Variants in RNF19B observed in about 807,000 individuals in gnomAD.
RNF19B encodes E3 ubiquitin-protein ligase RNF19B.
RNF19B carries 23 observed loss-of-function variants against 65.5 expected under a neutral mutation model. The ratio of observed to expected loss-of-function variants is 0.35; its 90% CI spans 0.25 to 0.50. RNF19B has a LOEUF of 0.50. Among genes scored for constraint, RNF19B ranks in the 20% least tolerant of loss-of-function variants. The pLI is 0.98. For missense variants in RNF19B, 794 were observed against 980.0 expected, an observed-to-expected ratio of 0.81 and a Z score of 2.53; for synonymous variants, 372 against 379.6, an observed-to-expected ratio of 0.98 and a Z score of 0.23.
In RNF19B at chr1:32,955,559, A is replaced by G. The variant is rs1173772352; in HGVS notation, c.636-5785T>C. On this transcript the variant is annotated intron_variant, in intron 1 of 8. Coordinates refer to ENST00000235150, the MANE Select transcript of RNF19B (RefSeq NM_001300826.2). ...AGTCTGGGCAACATGGCAAAACCCC[A>G]TCTCTACAAAAAAAAAAAATACAAA... Among the ~76,000 whole-genome samples the G allele has an allele frequency of 3.4e-5, 5 of 149,138 alleles. 1 individual carries two copies. Among genetic ancestry groups the G allele is most frequent in the Non-Finnish European group, 7.5e-5 (5 of 66,300 alleles).
At chr1:32,930,983 G>A in the RNF19B span, among the ~76,000 whole-genome samples, 1 of 152,076 alleles carries the variant, frequency 6.6e-6, no homozygotes, top group African/African-American at 2.4e-5. Flanking sequence ...AGCTACTTGG[G>A]AGGCTGAGGT....
At chr1:32,937,440 G>A in intron 8 of RNF19B, 181 bp from the exon 9 acceptor site, 1 of 972,246 alleles carries the variant, frequency 1.0e-6, no homozygotes, top group Non-Finnish European at 1.5e-6. Context: ...GGCTGGACGT[G>A]GTGGCTCATG....
chr1:32,954,214 CTTT>C (rs1206250393), intron 1 of RNF19B, among the ~76,000 whole-genome samples: 1 of 144,616 alleles, frequency 6.9e-6, no homozygotes, highest in Admixed American at 7.0e-5. Flanking sequence ...GCCCAGCCCA[CTTT>C]TTTTTTTTTC....
intron 1 of RNF19B, among the ~76,000 whole-genome samples, chr1:32,959,573 C>A (rs566475201): frequency 6.6e-6 from 1 of 152,188 alleles, no homozygotes; most frequent in Non-Finnish European, 1.5e-5. Flanking sequence ...ATAAAATGCA[C>A]GCCAATATCC....
downstream of RNF19B, among the ~76,000 whole-genome samples, chr1:32,931,670 G>A (rs1196248286): frequency 1.3e-5 from 2 of 152,204 alleles, no homozygotes; most frequent in African/African-American, 2.4e-5. Flanking sequence ...TGAGCCTTGC[G>A]GCTACAAAAG....
the RNF19B span, among the ~76,000 whole-genome samples, chr1:32,929,409 G>A: frequency 3.9e-5 from 6 of 152,182 alleles, no homozygotes; most frequent in African/African-American, 1.2e-4. Context: ...TTCAACATAT[G>A]ATTTTTGGTG....
the RNF19B span, among the ~76,000 whole-genome samples, chr1:32,929,360 C>A: frequency 6.6e-6 from 1 of 152,136 alleles, no homozygotes; most frequent in Non-Finnish European, 1.5e-5. Flanking sequence ...ACCTCATTTT[C>A]CAAATAAGGG....
At chr1:32,945,872 CTTCTT>C (rs1227435709) in intron 4 of RNF19B, among the ~76,000 whole-genome samples, 6 of 148,510 alleles carry the variant, frequency 4.0e-5, no homozygotes, top group East Asian at 2.0e-4. Context: ...ATTTTACCTT[CTTCTT>C]TTATTTTTTT....
chr1:32,929,884 T>C, the RNF19B span, among the ~76,000 whole-genome samples: 1 of 152,170 alleles, frequency 6.6e-6, no homozygotes, highest in Non-Finnish European at 1.5e-5. Flanking sequence ...CCATCATCTC[T>C]ACTGATATCA....
At chr1:32,943,508 C>A (rs535853382) in intron 6 of RNF19B, among the ~76,000 whole-genome samples, 1 of 151,612 alleles carries the variant, frequency 6.6e-6, no homozygotes, top group South Asian at 2.1e-4. Flanking sequence ...CCCAGCTACT[C>A]AGGAGGCTGA....
At chr1:32,942,567 C>A in intron 6 of RNF19B, 108 bp from the exon 7 acceptor site, 1 of 874,218 alleles carries the variant, frequency 1.1e-6, no homozygotes, top group South Asian at 1.7e-5. Context: ...ACTTAATGAA[C>A]AGGTACTGTG....
the RNF19B span, among the ~76,000 whole-genome samples, chr1:32,930,430 G>A: frequency 6.6e-6 from 1 of 150,880 alleles, no homozygotes; most frequent in Non-Finnish European, 1.5e-5. Context: ...TTTTGAGATG[G>A]GGTCTAGCTC....
intron 7 of RNF19B, among the ~76,000 whole-genome samples, chr1:32,941,835 T>C (rs989082048): frequency 1.8e-4 from 27 of 151,390 alleles, no homozygotes; most frequent in Non-Finnish European, 3.1e-4. Flanking sequence ...CAGTGACTCA[T>C]GCCTGTAATC....
Position 32,964,020 on chromosome 1 carries a change from G to T in RNF19B, c.635+31C>A. ...CAGCCACGCCCCTCGGCTGCAGCCC[G>T]CCGCCACCCGCGCCACGCCCCCGCG... On this transcript the variant is annotated intron_variant, in intron 1 of 8. Coordinates refer to ENST00000235150, the MANE Select transcript of RNF19B (RefSeq NM_001300826.2). The surrounding 1 kb of genome is among the most constrained non-coding windows in gnomAD (Gnocchi z 6.5). 1 of 1,408,780 alleles carries T rather than the reference G, an allele frequency of 7.1e-7. No homozygotes were observed. 87.3% of individuals were successfully genotyped at this position (1,408,780 alleles called of 1,614,324 possible). A position where few individuals can be genotyped will look rare whatever the true frequency, so the allele number is the denominator to read the frequency against.
chr1:32,953,986 G>GGGTT (rs570530461), intron 1 of RNF19B, among the ~76,000 whole-genome samples: 2,193 of 135,724 alleles, frequency 0.016, 40 homozygotes, highest in Non-Finnish European at 0.022. Flanking sequence ...TCGGCTTACT[G>GGGTT]CAACCTCTGC....
At chr1:32,951,394 CAGG>C (rs1179814907) in intron 1 of RNF19B, among the ~76,000 whole-genome samples, 5 of 152,014 alleles carry the variant, frequency 3.3e-5, no homozygotes, top group Non-Finnish European at 5.9e-5. Flanking sequence ...GCTCTTCTTG[CAGG>C]AGGTGCATTT....
downstream of RNF19B, among the ~76,000 whole-genome samples, chr1:32,933,032 T>C (rs1557559438): frequency 6.6e-6 from 1 of 152,232 alleles, no homozygotes. Flanking sequence ...TAGCACTATC[T>C]ACCACTCTGT....
At chr1:32,943,898 C>T in intron 6 of RNF19B, 121 bp downstream of exon 6, 1 of 969,512 alleles carries the variant, frequency 1.0e-6, no homozygotes, top group South Asian at 1.7e-5. Flanking sequence ...TACTTTACCC[C>T]CTACAAAGCT....
At chr1:32,953,116 G>C (rs893844679) in intron 1 of RNF19B, among the ~76,000 whole-genome samples, 33 of 151,442 alleles carry the variant, frequency 2.2e-4, no homozygotes, top group African/African-American at 7.8e-4. Context: ...ACCATGCCCA[G>C]CTAACTTTTT....
Sources: allele counts gnomAD v4.1 joint callset (sites outside exome capture counted in the v4.1 genomes callset), GRCh38; gene constraint gnomAD v4.1.1; non-coding constraint Gnocchi (gnomAD v3.1); transcripts MANE v1.5; gene names NCBI Gene and HGNC (gene_info 2026-07-23, HGNC 2026-07-21).